The following COBL variants were observed in gnomAD, a reference collection of about 807,000 sequenced individuals.
COBL encodes cordon-bleu WH2 repeat protein.
In COBL, 51 loss-of-function variants were observed where a neutral mutation model predicts 98.8. The observed-to-expected ratio is 0.52, with a 90% CI of 0.41 to 0.65. The LOEUF (loss-of-function observed/expected upper bound fraction) is 0.65, where lower values mean the gene tolerates loss of function less well. Among genes scored for constraint, COBL ranks in the 30% least tolerant of loss-of-function variants. COBL has a pLI of 0.00. For missense variants in COBL, 1,617 were observed against 1,617.5 expected, an observed-to-expected ratio of 1.00 and a Z score of 0.01; for synonymous variants, 634 against 651.7, an observed-to-expected ratio of 0.97 and a Z score of 0.41.
intron 4 of COBL, among the ~76,000 whole-genome samples, chr7:51,185,869 A>G (rs758877106): frequency 3.3e-5 from 5 of 152,234 alleles, no homozygotes; most frequent in Non-Finnish European, 7.3e-5. Flanking sequence ...CACACAGCAA[A>G]GCAAAAACCC....
chr7:51,237,992 C>T (rs1795429512), intron 1 of COBL, among the ~76,000 whole-genome samples: 1 of 152,178 alleles, frequency 6.6e-6, no homozygotes, highest in African/African-American at 2.4e-5. Flanking sequence ...CTACACCCTC[C>T]AGGGCATGCC....
At chr7:51,153,995 T>TG (rs1785831323) in intron 5 of COBL, among the ~76,000 whole-genome samples, 1 of 152,086 alleles carries the variant, frequency 6.6e-6, no homozygotes, top group African/African-American at 2.4e-5. Flanking sequence ...CTCCAACTGA[T>TG]GGAGAAGCAG....
chr7:51,162,783 A>G (rs552140513), intron 5 of COBL, among the ~76,000 whole-genome samples: 1 of 152,366 alleles, frequency 6.6e-6, no homozygotes, highest in African/African-American at 2.4e-5. Context: ...GCTCGGCTTT[A>G]ACACCCCAAT....
chr7:51,145,168 T>C (rs1190871426), intron 5 of COBL, among the ~76,000 whole-genome samples: 3 of 151,260 alleles, frequency 2.0e-5, no homozygotes, highest in African/African-American at 2.4e-5. Flanking sequence ...GTGCCCACCA[T>C]CACGCCCAAC....
chr7:51,096,312 T>C (rs1795268256), intron 6 of COBL, among the ~76,000 whole-genome samples: 1 of 152,034 alleles, frequency 6.6e-6, no homozygotes, highest in African/African-American at 2.4e-5. Flanking sequence ...AGAAAATATA[T>C]TGAGACAAAT....
intron 2 of COBL, among the ~76,000 whole-genome samples, chr7:51,214,272 AAAATAAATAAATAAAT>A (rs34766805): frequency 0.03 from 4,146 of 140,256 alleles, 180 homozygotes; most frequent in African/African-American, 0.1. Flanking sequence ...TCATCTATTA[AAAATAAATAAATAAAT>A]AAATAAATAA....
chr7:51,260,250 T>C, intron 1 of COBL: 1 of 518,866 alleles, frequency 1.9e-6, no homozygotes. Flanking sequence ...CCATATACTA[T>C]TTTTAAAGAC....
rs186344561 is a variant in COBL at position 51,270,542 on chromosome 7, A to G, written c.41+46051T>C. ...ACTTAAATAATTTTTTAAAGACACA[A>G]TGTTTTTTCACTGGATAAACAGATA... On this transcript the variant is annotated intron_variant, in intron 1 of 12. Coordinates refer to ENST00000265136, the MANE Select transcript of COBL (RefSeq NM_015198.5). 2.7e-4 allele frequency among the ~76,000 whole-genome samples: 41 copies of G among 152,296 alleles called. No individual in the cohort carries two copies. In the East Asian group the frequency reaches 7.2e-3, roughly 27 times the overall value.
At chr7:51,042,665 C>T (rs938318250) in intron 8 of COBL, among the ~76,000 whole-genome samples, 3 of 152,154 alleles carry the variant, frequency 2.0e-5, no homozygotes, top group African/African-American at 4.8e-5. Flanking sequence ...CCAGGCCAAA[C>T]GTGGCATGTT....
intron 1 of COBL, among the ~76,000 whole-genome samples, chr7:51,246,650 G>GA (rs1796291857): frequency 6.6e-6 from 1 of 152,162 alleles, no homozygotes; most frequent in South Asian, 2.1e-4. Flanking sequence ...ATAAAATGCA[G>GA]AAACGCTGAT....
intron 4 of COBL, 102 bp from the exon 5 acceptor site, chr7:51,184,301 T>C (rs1789274187): frequency 1.5e-6 from 1 of 648,184 alleles, no homozygotes; most frequent in African/African-American, 1.9e-5. Context: ...TCTTAAACTT[T>C]TAGTTCTTGT....
intron 7 of COBL, among the ~76,000 whole-genome samples, chr7:51,055,097 C>T (rs1017940079): frequency 4.6e-5 from 7 of 152,144 alleles, no homozygotes; most frequent in East Asian, 1.9e-4. Context: ...GGCTACTGCA[C>T]GCATCCCCAG....
chr7:51,128,413 T>C (rs1445467046), intron 6 of COBL, among the ~76,000 whole-genome samples: 1 of 151,652 alleles, frequency 6.6e-6, no homozygotes, highest in Non-Finnish European at 1.5e-5. Context: ...TAAGAGACAT[T>C]GGAAGACCAA....
intron 6 of COBL, among the ~76,000 whole-genome samples, chr7:51,103,016 T>C (rs1339508463): frequency 1.3e-5 from 2 of 152,188 alleles, no homozygotes; most frequent in Non-Finnish European, 1.5e-5. Flanking sequence ...AACACTCTTG[T>C]GCATTTCACA....
At chr7:51,096,043 A>G (rs979978334) in intron 6 of COBL, among the ~76,000 whole-genome samples, 4 of 152,192 alleles carry the variant, frequency 2.6e-5, no homozygotes, top group African/African-American at 9.6e-5. Flanking sequence ...GATCTAACAG[A>G]TACCTATCTC....
chr7:51,132,590 C>T (rs1163291638), intron 6 of COBL, among the ~76,000 whole-genome samples: 2 of 152,140 alleles, frequency 1.3e-5, no homozygotes, highest in African/African-American at 2.4e-5. Context: ...AACTCTCCTT[C>T]GGGATGGGTT....
intron 6 of COBL, among the ~76,000 whole-genome samples, chr7:51,097,886 T>TACA (rs1272837748): frequency 2.0e-5 from 3 of 151,854 alleles, no homozygotes; most frequent in Non-Finnish European, 4.4e-5. Flanking sequence ...TATCCGGGCA[T>TACA]GGTGGCGGGC....
At chr7:51,216,462 C>T (rs1034427503) in intron 2 of COBL, among the ~76,000 whole-genome samples, 2 of 152,162 alleles carry the variant, frequency 1.3e-5, no homozygotes, top group Admixed American at 6.5e-5. Context: ...TGAGCCACTG[C>T]ACCTGACCAA....
chr7:51,240,633 A>G (rs549292293), intron 1 of COBL, among the ~76,000 whole-genome samples: 3 of 151,858 alleles, frequency 2.0e-5, no homozygotes, highest in African/African-American at 4.8e-5. Context: ...TACAACCTCC[A>G]CCTCCTGGGT....
Sources: allele counts gnomAD v4.1 joint callset (sites outside exome capture counted in the v4.1 genomes callset), GRCh38; gene constraint gnomAD v4.1.1; transcripts MANE v1.5; gene names NCBI Gene and HGNC (gene_info 2026-07-23, HGNC 2026-07-21).